Variants in HIVEP2 observed in about 807,000 individuals in gnomAD.
The protein encoded by HIVEP2 is HIVEP zinc finger 2, also known as transcription factor HIVEP2.
HIVEP2 carries 14 observed loss-of-function variants against 180.7 expected under a neutral mutation model. That is an observed-to-expected ratio of 0.08 (90% CI 0.05 to 0.12). The LOEUF is 0.12. Ranked by LOEUF, HIVEP2 falls within the 10% of genes least tolerant of loss-of-function variation. The probability of loss-of-function intolerance (pLI) is 1.00; values close to 1 mark genes in which losing one functional copy is unlikely to be tolerated. For synonymous variants in HIVEP2, 1,184 were observed against 1,136.4 expected, an observed-to-expected ratio of 1.04 and a Z score of -0.84; for missense variants, 2,579 against 3,008.5, an observed-to-expected ratio of 0.86 and a Z score of 3.34.
intron 1 of HIVEP2, among the ~76,000 whole-genome samples, chr6:142,930,088 G>C (rs1777906407): frequency 6.6e-6 from 1 of 152,142 alleles, no homozygotes; most frequent in Admixed American, 6.5e-5. Context: ...ACAAAATCAA[G>C]ACTCTCTTCT....
intron 1 of HIVEP2, among the ~76,000 whole-genome samples, chr6:142,889,231 G>A (rs1776791912): frequency 6.6e-6 from 1 of 152,092 alleles, no homozygotes; most frequent in Non-Finnish European, 1.5e-5. Context: ...CCAGCATTTT[G>A]AGAGACTGGC....
At chr6:142,927,865 A>G (rs535685607) in intron 1 of HIVEP2, among the ~76,000 whole-genome samples, 1 of 152,346 alleles carries the variant, frequency 6.6e-6, no homozygotes, top group South Asian at 2.1e-4. Flanking sequence ...ATAAGGCCAT[A>G]AGGTATTTTA....
intron 2 of HIVEP2, among the ~76,000 whole-genome samples, chr6:142,836,139 G>T (rs1775216067): frequency 6.6e-6 from 1 of 152,028 alleles, no homozygotes; most frequent in Admixed American, 6.6e-5. Context: ...CCTAAATTAG[G>T]AATACAATTT....
At chr6:142,825,287 T>TAC (rs11468410) in intron 2 of HIVEP2, among the ~76,000 whole-genome samples, 2,949 of 149,796 alleles carry the variant, frequency 0.02, 43 homozygotes, top group Middle Eastern at 0.042. Context: ...AAAGTCCAAT[T>TAC]ACACACACAC....
chr6:142,920,207 T>G lies in HIVEP2; in HGVS notation c.-641+24892A>C, dbSNP rs873333. ...ACTGCTACATGAGGTCACAGAGTTA[T>G]AGCTAAAAAGAAAGTCACAAATGTA... On this transcript the variant is annotated intron_variant, in intron 1 of 9. Transcript: ENST00000367603. Among the ~76,000 whole-genome samples, 1,379 of 152,372 alleles carry G rather than the reference T, an allele frequency of 9.1e-3. 16 individuals are homozygous for G. The highest frequency in any genetic ancestry group is 0.031 in the African/African-American group (1,285 of 41,592).
intron 1 of HIVEP2, among the ~76,000 whole-genome samples, chr6:142,854,335 T>C (rs544076997): frequency 1.3e-5 from 2 of 152,178 alleles, no homozygotes; most frequent in South Asian, 2.1e-4. Context: ...CAAAGACTTA[T>C]CTGGCTCCAA....
chr6:142,782,880 T>C (rs1291030483), intron 3 of HIVEP2, among the ~76,000 whole-genome samples: 1 of 152,226 alleles, frequency 6.6e-6, no homozygotes, highest in African/African-American at 2.4e-5. Context: ...GTCATACCTT[T>C]TAAAATAATT....
intron 2 of HIVEP2, among the ~76,000 whole-genome samples, chr6:142,801,566 CA>C (rs1262275801): frequency 1.3e-5 from 2 of 151,896 alleles, no homozygotes; most frequent in Non-Finnish European, 2.9e-5. Context: ...CTAGTATTTC[CA>C]CATCACCTCT....
At position 142,823,236 on chromosome 6, in the gene HIVEP2, T is replaced by A. The variant is rs1777089359; in HGVS notation, c.-528+13699A>T. Among the ~76,000 whole-genome samples the A allele has an allele frequency of 2.0e-5, 3 of 152,192 alleles. No individual in the cohort carries two copies. In the South Asian group the frequency reaches 6.2e-4, roughly 32 times the overall value. Reference sequence around the variant, plus strand: ...AGGAAAGAGGGGTCCTTGTCATGGGTCCCACACTTTAGAAAGCCTGCATAT... The same window carrying A: ...AGGAAAGAGGGGTCCTTGTCATGGGACCCACACTTTAGAAAGCCTGCATAT... On this transcript the variant is annotated intron_variant, in intron 2 of 9. Transcript: ENST00000367603.
intron 1 of HIVEP2, among the ~76,000 whole-genome samples, chr6:142,853,689 G>T (rs1478529919): frequency 6.6e-6 from 1 of 152,156 alleles, no homozygotes; most frequent in Non-Finnish European, 1.5e-5. Flanking sequence ...TAAAAGTCTA[G>T]GTGAAACTCT....
intron 2 of HIVEP2, among the ~76,000 whole-genome samples, chr6:142,790,646 T>A (rs1414572757): frequency 6.6e-6 from 1 of 152,238 alleles, no homozygotes. Context: ...ATTTTCTTTT[T>A]ACTCCTGGGT....
chr6:142,861,277 AATT>A, intron 1 of HIVEP2, among the ~76,000 whole-genome samples: 1 of 152,348 alleles, frequency 6.6e-6, no homozygotes, highest in East Asian at 1.9e-4. Context: ...TTGACAAATC[AATT>A]GGAATGGCCT....
chr6:142,759,949 T>A lies in HIVEP2; in HGVS notation c.6339A>T (p.Pro2113=). Residue 2113 remains proline, a synonymous_variant, in exon 9 of 10, where the codon CCA becomes CCT. Coordinates refer to ENST00000367603, the MANE Select transcript of HIVEP2 (RefSeq NM_006734.4). ...RDVSPRRHLS[P]RRPVSPGKDI... ...CTTTCCCAGGAGACACTGGCCTCCTTGGAGACAAATGCCTTCTTGGTGAAA... is the reference window on the plus strand; with the variant it reads ...CTTTCCCAGGAGACACTGGCCTCCTAGGAGACAAATGCCTTCTTGGTGAAA... The A allele has an allele frequency of 6.2e-7, 1 of 1,614,006 alleles. No homozygotes were observed. Among genetic ancestry groups the A allele is most frequent in the Non-Finnish European group, 8.5e-7 (1 of 1,179,926 alleles).
chr6:142,911,991 T>A (rs1222622790), intron 1 of HIVEP2, among the ~76,000 whole-genome samples: 5 of 152,234 alleles, frequency 3.3e-5, no homozygotes. Flanking sequence ...AGTCTCTGAC[T>A]TTGTGATTTG....
At chr6:142,791,993 G>T (rs1562520422) in intron 2 of HIVEP2, among the ~76,000 whole-genome samples, 4 of 152,186 alleles carry the variant, frequency 2.6e-5, no homozygotes, top group Admixed American at 1.3e-4. Flanking sequence ...AGAAGGCTCA[G>T]ATTTGCAGGC....
Position 142,771,170 on chromosome 6 carries a change from A to C in HIVEP2, c.3569T>G (p.Phe1190Cys). The change falls in exon 5 of 10, where the codon TTT becomes TGT. Residue 1190 changes from phenylalanine (F) to cysteine (C), a missense_variant. Physicochemically the swap from Phe to Cys is radical, Grantham distance 205 (BLOSUM62 -2). Coordinates refer to ENST00000367603, the MANE Select transcript of HIVEP2 (RefSeq NM_006734.4). This position sits in a 1 kb window ranked among gnomAD's most constrained non-coding sequence, Gnocchi z 5.4. The stretch of plus-strand genomic sequence containing the variant: ...AAATGGAATTGTCTCTTGATGTGGA[A>C]ATAAGTGTGGCTGTTCAGGTAAGTG... Reference protein sequence around the residue: ...SKHLPEQPHLFPHQETIPFSP... With the variant: ...SKHLPEQPHLCPHQETIPFSP... 6.2e-7 allele frequency: 1 copy of C among 1,614,248 alleles called. No homozygotes were observed. Among genetic ancestry groups the C allele is most frequent in the East Asian group, 2.2e-5 (1 of 44,890 alleles).
chr6:142,821,336 C>T (rs1371232198), intron 2 of HIVEP2, among the ~76,000 whole-genome samples: 4 of 151,630 alleles, frequency 2.6e-5, no homozygotes, highest in Non-Finnish European at 5.9e-5. Flanking sequence ...AACCCCGAAC[C>T]AAAGAAAGAC....
chr6:142,940,002 T>C (rs1778138407), intron 1 of HIVEP2, among the ~76,000 whole-genome samples: 1 of 152,174 alleles, frequency 6.6e-6, no homozygotes, highest in Non-Finnish European at 1.5e-5. Context: ...CCTAATCACA[T>C]GGAAAGTAAG....
At position 142,761,253 on chromosome 6, in the gene HIVEP2, C is replaced by A. The variant is rs1480547664; in HGVS notation, c.5620+211G>T. Among the ~76,000 whole-genome samples, 4 of 152,142 alleles carry A rather than the reference C, an allele frequency of 2.6e-5. No homozygotes were observed. The East Asian group carries it at 5.8e-4, about 22-fold the overall frequency. On this transcript the variant is annotated intron_variant, in intron 8 of 9. Transcript: ENST00000367603. ...AATATAAGTATTTTCAAAGTAAGGC[C>A]TTTTTTGCCCTCGGAGTCAAAACTG... is the stretch of plus-strand genomic sequence containing the variant.
Sources: gnomAD v4.1 joint callset for allele counts (sites outside exome capture counted in the v4.1 genomes callset) on GRCh38, gnomAD v4.1.1 for gene constraint, Gnocchi (gnomAD v3.1) non-coding constraint, MANE v1.5 for transcripts, NCBI Gene and HGNC (gene_info 2026-07-23, HGNC 2026-07-21) for gene names.